The following ROBO2 variants were observed in gnomAD, a reference collection of about 807,000 sequenced individuals.
The protein encoded by ROBO2 is roundabout guidance receptor 2, also known as roundabout homolog 2.
ROBO2 carries 53 observed loss-of-function variants against 160.8 expected under a neutral mutation model. The observed-to-expected ratio is 0.33, with a 90% CI of 0.26 to 0.41. ROBO2 has a LOEUF of 0.41. ROBO2 is among the 10% of genes least tolerant of loss of function. The probability of loss-of-function intolerance (pLI) is 1.00; values close to 1 mark genes in which losing one functional copy is unlikely to be tolerated. For synonymous variants in ROBO2, 664 were observed against 611.7 expected (o/e 1.09, Z -1.26); for missense variants, 1,577 against 1,722.4 (o/e 0.92, Z 1.49).
At chr3:75,992,190 T>C (rs2065592788) in intron 2 of ROBO2, among the ~76,000 whole-genome samples, 1 of 151,742 alleles carries the variant, frequency 6.6e-6, no homozygotes, top group Non-Finnish European at 1.5e-5. Context: ...ACCAAGACAA[T>C]GGGGAAAATG....
chr3:76,166,879 A>C (rs912431349), intron 2 of ROBO2, among the ~76,000 whole-genome samples: 4 of 152,142 alleles, frequency 2.6e-5, no homozygotes, highest in African/African-American at 4.8e-5. Context: ...TGACATGTGC[A>C]CTTATTAAGT....
intron 2 of ROBO2, among the ~76,000 whole-genome samples, chr3:76,458,570 T>TG (rs1358431839): frequency 3.3e-5 from 5 of 152,194 alleles, no homozygotes; most frequent in Admixed American, 6.5e-5. Flanking sequence ...TGCTTCCATA[T>TG]TTTTGGGTAT....
chr3:77,312,230 A>G (rs1009681091), intron 2 of ROBO2, among the ~76,000 whole-genome samples: 1 of 152,152 alleles, frequency 6.6e-6, no homozygotes, highest in African/African-American at 2.4e-5. Flanking sequence ...ATAAATAAAA[A>G]CAGTTAGAAG....
At position 76,072,831 on chromosome 3, in the gene ROBO2, A is replaced by G. The variant is rs372276419; in HGVS notation, c.109+135229A>G. Among the ~76,000 whole-genome samples the G allele has an allele frequency of 5.9e-4, 90 of 152,342 alleles. 3 individuals carry two copies. The East Asian group carries it at 0.015, about 26-fold the overall frequency. On this transcript the variant is annotated intron_variant, in intron 2 of 26. Transcript: ENST00000487694. ...CAGTGCAGGAATGTAGGCAGGCCTC[A>G]GAGGCAGTAAAGTTGTACTAAGAAG...
chr3:76,945,291 A>G (rs2078461297), intron 2 of ROBO2, among the ~76,000 whole-genome samples: 1 of 152,184 alleles, frequency 6.6e-6, no homozygotes, highest in African/African-American at 2.4e-5. Context: ...TAATTTTATT[A>G]TTGATGTCGC....
At chr3:77,072,318 A>G (rs909597549) in intron 1 of ROBO2, among the ~76,000 whole-genome samples, 1 of 152,184 alleles carries the variant, frequency 6.6e-6, no homozygotes, top group Non-Finnish European at 1.5e-5. Flanking sequence ...CAATGTAATA[A>G]TAATGGAAAT....
intron 4 of ROBO2, among the ~76,000 whole-genome samples, chr3:77,486,612 T>C (rs1303550232): frequency 1.3e-5 from 2 of 152,180 alleles, no homozygotes; most frequent in Non-Finnish European, 1.5e-5. Flanking sequence ...TTAATGGGGT[T>C]GTTTGTTTTT....
chr3:76,675,527 G>A (rs2092385359), intron 2 of ROBO2, among the ~76,000 whole-genome samples: 1 of 152,104 alleles, frequency 6.6e-6, no homozygotes, highest in South Asian at 2.1e-4. Flanking sequence ...TTGAAGTCCA[G>A]ATCTTACAAT....
intron 2 of ROBO2, among the ~76,000 whole-genome samples, chr3:76,146,791 C>G (rs2071914296): frequency 1.0e-5 from 1 of 98,672 alleles, no homozygotes; most frequent in Admixed American, 1.1e-4. Flanking sequence ...CCACAGACAC[C>G]CACTGCCCAA....
At chr3:77,011,748 T>C (rs2061936702) in intron 2 of ROBO2, among the ~76,000 whole-genome samples, 1 of 152,132 alleles carries the variant, frequency 6.6e-6, no homozygotes, top group Non-Finnish European at 1.5e-5. Context: ...GCATGAAGTT[T>C]TGTTAATTGC....
chr3:77,293,362 T>G (rs2061561316), intron 2 of ROBO2, among the ~76,000 whole-genome samples: 1 of 151,156 alleles, frequency 6.6e-6, no homozygotes, highest in East Asian at 2.0e-4. Context: ...AATTGACGAT[T>G]AAACGGGTAA....
At chr3:76,857,161 A>G (rs2070206389) in intron 2 of ROBO2, among the ~76,000 whole-genome samples, 1 of 151,806 alleles carries the variant, frequency 6.6e-6, no homozygotes, top group South Asian at 2.1e-4. Flanking sequence ...AATTTTTTGT[A>G]TTTTTAGTAG....
Position 76,981,732 on chromosome 3 carries a change from G to A in ROBO2, c.110-116282G>A, listed in dbSNP as rs75372474. Among the ~76,000 whole-genome samples the A allele has an allele frequency of 2.4e-3, 362 of 152,242 alleles. 1 individual carries two copies. Among genetic ancestry groups the A allele is most frequent in the African/African-American group, 8.2e-3 (342 of 41,546 alleles). Reference sequence around the variant, plus strand: ...CACTATTCTGTGGGCTTTACAGGAAGCATAGTGCTGACATCAGCTTGGCTT... The same window carrying A: ...CACTATTCTGTGGGCTTTACAGGAAACATAGTGCTGACATCAGCTTGGCTT... On this transcript the variant is annotated intron_variant, in intron 2 of 26. Coordinates refer to the ROBO2 transcript ENST00000487694.
intron 2 of ROBO2, among the ~76,000 whole-genome samples, chr3:76,284,017 A>G (rs1208644615): frequency 2.0e-5 from 3 of 151,940 alleles, no homozygotes; most frequent in African/African-American, 7.2e-5. Context: ...AAAGCCTAGA[A>G]CCAAATAAAT....
chr3:77,617,374 C>T, intron 21 of ROBO2, 139 bp from the exon 23 acceptor site: 1 of 901,636 alleles, frequency 1.1e-6, no homozygotes, highest in Non-Finnish European at 1.8e-6. Flanking sequence ...ACTGTGGTGA[C>T]ACCAACAGCT....
In ROBO2 at chr3:77,154,250, A is replaced by G. The variant is rs2077785355; in HGVS notation, c.388+55910A>G. Reference sequence around the variant, plus strand: ...TAAACATGGGTTTTTCTTTCTTAGTACGAAACTGTTAAAAAGCAATCAATA... The same window carrying G: ...TAAACATGGGTTTTTCTTTCTTAGTGCGAAACTGTTAAAAAGCAATCAATA... On this transcript the variant is annotated intron_variant, in intron 2 of 25. Transcript: ENST00000461745. Among the ~76,000 whole-genome samples the G allele has an allele frequency of 2.6e-5, 4 of 152,220 alleles. No individual in the cohort carries two copies. The South Asian group carries it at 8.3e-4, about 32-fold the overall frequency.
chr3:77,535,971 G>A (rs1196507262), intron 6 of ROBO2, among the ~76,000 whole-genome samples: 3 of 152,128 alleles, frequency 2.0e-5, no homozygotes, highest in Admixed American at 6.5e-5. Flanking sequence ...TATTTACAGT[G>A]TGAGTAAACT....
At chr3:77,077,791 G>C (rs1334821712) in intron 1 of ROBO2, among the ~76,000 whole-genome samples, 1 of 152,298 alleles carries the variant, frequency 6.6e-6, no homozygotes, top group South Asian at 2.1e-4. Flanking sequence ...ATAGATAGGA[G>C]TCTTGGAGTG....
chr3:77,040,974 G>T (rs2064029573), intron 1 of ROBO2, 128 bp downstream of exon 1: 1 of 1,238,756 alleles, frequency 8.1e-7, no homozygotes, highest in South Asian at 1.3e-5. Context: ...TTTTGGCCCG[G>T]CACGGGCTCC....
Sources: allele counts gnomAD v4.1 joint callset (sites outside exome capture counted in the v4.1 genomes callset), GRCh38; gene constraint gnomAD v4.1.1; transcripts MANE v1.5; gene names NCBI Gene and HGNC (gene_info 2026-07-23, HGNC 2026-07-21).